Variants in SYNPR observed in about 807,000 individuals in gnomAD.
SYNPR encodes synaptoporin.
Under a neutral mutation model 32.9 loss-of-function variants are expected in SYNPR, and 23 were observed. The observed-to-expected ratio is 0.70, with a 90% CI of 0.50 to 0.99. SYNPR has a LOEUF of 0.99. Ranked by LOEUF, SYNPR falls within the 50% of genes least tolerant of loss-of-function variation. The pLI, the probability that SYNPR is intolerant of heterozygous loss-of-function variation, is 0.00. For synonymous variants in SYNPR, 146 were observed against 135.9 expected (o/e 1.07, Z -0.52); for missense variants, 318 against 349.3 (o/e 0.91, Z 0.71).
At chr3:63,263,924 G>T (rs898067502) in intron 2 of SYNPR, among the ~76,000 whole-genome samples, 1 of 152,118 alleles carries the variant, frequency 6.6e-6, no homozygotes, top group Non-Finnish European at 1.5e-5. Flanking sequence ...CAATTTTGGG[G>T]CCGTGTTTCA....
chr3:63,223,682 G>T (rs544891226), upstream of SYNPR, among the ~76,000 whole-genome samples: 6 of 152,226 alleles, frequency 3.9e-5, no homozygotes, highest in African/African-American at 9.6e-5. Flanking sequence ...GACTAGCATC[G>T]CCATGTTATA....
chr3:63,202,053 C>T, the SYNPR span, among the ~76,000 whole-genome samples: 1 of 152,164 alleles, frequency 6.6e-6, no homozygotes, highest in South Asian at 2.1e-4. Flanking sequence ...TTTTTAAAAA[C>T]CCCAGAATAT....
chr3:63,593,961 G>A (rs943728213), intron 4 of SYNPR, among the ~76,000 whole-genome samples: 1 of 152,064 alleles, frequency 6.6e-6, no homozygotes, highest in African/African-American at 2.4e-5. Flanking sequence ...GTAAACAGAC[G>A]ACTTGGAAAA....
chr3:63,210,551 G>C, the SYNPR span, among the ~76,000 whole-genome samples: 2 of 152,164 alleles, frequency 1.3e-5, no homozygotes, highest in Admixed American at 1.3e-4. Context: ...AACCTTACTT[G>C]TTTTCCGTTT....
chr3:63,576,103 T>C (rs1225999294), intron 4 of SYNPR, among the ~76,000 whole-genome samples: 2 of 152,138 alleles, frequency 1.3e-5, no homozygotes, highest in Non-Finnish European at 2.9e-5. Context: ...CAAATGACAC[T>C]GTAATATACT....
intron 3 of SYNPR, among the ~76,000 whole-genome samples, chr3:63,531,847 T>G (rs1702118100): frequency 6.6e-6 from 1 of 152,152 alleles, no homozygotes; most frequent in African/African-American, 2.4e-5. Context: ...GCTGTAAACT[T>G]AGGGCACTGG....
chr3:63,307,398 G>C (rs2106948641), intron 2 of SYNPR, among the ~76,000 whole-genome samples: 1 of 152,040 alleles, frequency 6.6e-6, no homozygotes, highest in Non-Finnish European at 1.5e-5. Flanking sequence ...CTTTTAAAAT[G>C]GTCACTACTA....
upstream of SYNPR, among the ~76,000 whole-genome samples, chr3:63,276,142 C>A (rs1166872304): frequency 6.6e-6 from 1 of 152,130 alleles, no homozygotes; most frequent in Non-Finnish European, 1.5e-5. Context: ...TTATATTCAT[C>A]GTGGTAGAAG....
chr3:63,310,088 C>T (rs909153980), intron 2 of SYNPR, among the ~76,000 whole-genome samples: 2 of 151,870 alleles, frequency 1.3e-5, no homozygotes, highest in African/African-American at 2.4e-5. Flanking sequence ...CCTACCAAGC[C>T]CTGCAAGCTT....
At chr3:63,599,391 A>G (rs1262144674) in intron 4 of SYNPR, among the ~76,000 whole-genome samples, 2 of 152,096 alleles carry the variant, frequency 1.3e-5, no homozygotes, top group African/African-American at 2.4e-5. Context: ...TTTATCCTTT[A>G]TACTATATTT....
intron 2 of SYNPR, among the ~76,000 whole-genome samples, chr3:63,285,016 C>A (rs532124791): frequency 3.9e-5 from 6 of 152,332 alleles, no homozygotes; most frequent in African/African-American, 1.4e-4. Flanking sequence ...CAACTTCATT[C>A]TCTTAAATGC....
intron 4 of SYNPR, among the ~76,000 whole-genome samples, chr3:63,606,275 G>A (rs1052739737): frequency 1.3e-5 from 2 of 151,960 alleles, no homozygotes; most frequent in Admixed American, 6.6e-5. Flanking sequence ...ATGGCACTAA[G>A]GGATAAAAGG....
At chr3:63,229,185 C>T (rs775532738) in intron 1 of SYNPR, among the ~76,000 whole-genome samples, 46 of 152,142 alleles carry the variant, frequency 3.0e-4, no homozygotes, top group Admixed American at 5.2e-4. Context: ...GTTCCATCAA[C>T]TACAAATTAG....
intron 4 of SYNPR, among the ~76,000 whole-genome samples, chr3:63,592,146 ATC>A (rs1442147209): frequency 6.6e-6 from 1 of 152,122 alleles, no homozygotes. Context: ...GGAGCGGTGC[ATC>A]TATAAACCAA....
At chr3:63,393,517 T>TTTTTTTTG (rs2088171611) in intron 2 of SYNPR, among the ~76,000 whole-genome samples, 1 of 124,334 alleles carries the variant, frequency 8.0e-6, no homozygotes, top group African/African-American at 3.1e-5. Context: ...TTTTTTTTTT[T>TTTTTTTTG]GACAGTGTCT....
intron 2 of SYNPR, among the ~76,000 whole-genome samples, chr3:63,257,600 G>A (rs1257996320): frequency 6.6e-6 from 1 of 152,166 alleles, no homozygotes; most frequent in Non-Finnish European, 1.5e-5. Flanking sequence ...ACCAGTAACA[G>A]CCACTGCAAA....
At chr3:63,574,963 A>T (rs1313387325) in intron 4 of SYNPR, among the ~76,000 whole-genome samples, 1 of 152,122 alleles carries the variant, frequency 6.6e-6, no homozygotes, top group African/African-American at 2.4e-5. Context: ...CTTTCAAATA[A>T]TTAAGTCAGG....
Position 63,453,296 on chromosome 3 carries a change from C to T in SYNPR, c.85-27536C>T, listed in dbSNP as rs139852491. 4.0e-3 allele frequency among the ~76,000 whole-genome samples: 609 copies of T among 152,218 alleles called. 3 individuals carry two copies. Among genetic ancestry groups the T allele is most frequent in the African/African-American group, 0.014 (582 of 41,546 alleles). ...TCTTCACAGAGGAGTCAGGAACCCC[C>T]CAACAGAAGAGCCTGGGGAGGAAGA... is the stretch of plus-strand genomic sequence containing the variant. On this transcript the variant is annotated intron_variant, in intron 2 of 5. Transcript: ENST00000478300.
intron 2 of SYNPR, among the ~76,000 whole-genome samples, chr3:63,315,223 T>G (rs1164616308): frequency 6.6e-6 from 1 of 152,066 alleles, no homozygotes; most frequent in Non-Finnish European, 1.5e-5. Context: ...TGTGAGCTCT[T>G]TTTTGGTTCC....
Sources: gnomAD v4.1 joint callset for allele counts (sites outside exome capture counted in the v4.1 genomes callset) on GRCh38, gnomAD v4.1.1 for gene constraint, MANE v1.5 for transcripts, NCBI Gene and HGNC (gene_info 2026-07-23, HGNC 2026-07-21) for gene names.